The following GPC5 variants were observed in gnomAD, a reference collection of about 807,000 sequenced individuals.
GPC5 encodes the protein glypican 5, also known as glypican-5.
A neutral mutation model predicts 53.9 loss-of-function variants in GPC5; 47 were observed. The observed-to-expected ratio is 0.87, with a 90% CI of 0.69 to 1.11. GPC5 has a LOEUF of 1.11. GPC5 is among the 50% of genes most tolerant of loss of function. GPC5 has a pLI of 0.00. For synonymous variants in GPC5, 286 were observed against 263.3 expected (o/e 1.09, Z -0.84); for missense variants, 748 against 713.1 (o/e 1.05, Z -0.56).
rs542701382 is a variant in GPC5, at chr13:92,206,174, T to A, written c.1561+61185T>A. 1.6e-4 allele frequency among the ~76,000 whole-genome samples: 23 copies of A among 148,104 alleles called. No homozygotes were observed. The East Asian group carries it at 2.2e-3, about 14-fold the overall frequency. On this transcript the variant is annotated intron_variant, in intron 7 of 7. Coordinates refer to ENST00000377067, the MANE Select transcript of GPC5 (RefSeq NM_004466.6). ...TTTTTTATTTTTTTTTTTATTTTTT[T>A]TTTTTTTTTGAGACAGAGTCTCGGT...
intron 2 of GPC5, among the ~76,000 whole-genome samples, chr13:91,481,794 A>G (rs893545464): frequency 3.9e-5 from 6 of 152,196 alleles, no homozygotes; most frequent in African/African-American, 1.4e-4. Flanking sequence ...TAGCAAACTG[A>G]AAGATGATAC....
chr13:91,910,424 T>G (rs1472829486), intron 6 of GPC5, among the ~76,000 whole-genome samples: 2 of 152,204 alleles, frequency 1.3e-5, no homozygotes, highest in Non-Finnish European at 2.9e-5. Flanking sequence ...AGTCTATAGA[T>G]TTAGATGATC....
At chr13:91,426,724 GC>G (rs1189575187) in intron 1 of GPC5, among the ~76,000 whole-genome samples, 2 of 152,174 alleles carry the variant, frequency 1.3e-5, no homozygotes, top group Non-Finnish European at 2.9e-5. Flanking sequence ...ATATTCCTCT[GC>G]CTGCTTTTAT....
At position 92,303,337 on chromosome 13, in the gene GPC5, A is replaced by T. The variant is rs542394413; in HGVS notation, c.1561+158348A>T. 3.9e-5 allele frequency among the ~76,000 whole-genome samples: 6 copies of T among 152,342 alleles called. No individual in the cohort carries two copies. In the South Asian group the frequency reaches 8.3e-4, roughly 21 times the overall value. On this transcript the variant is annotated intron_variant, in intron 7 of 7. Coordinates refer to ENST00000377067, the MANE Select transcript of GPC5 (RefSeq NM_004466.6). ...GAAATTAAGTTTACTATAACCAAAAAGGTTTAATGTTTAGAAGTTAAAAGC... is the reference window on the plus strand; with the variant it reads ...GAAATTAAGTTTACTATAACCAAAATGGTTTAATGTTTAGAAGTTAAAAGC...
intron 6 of GPC5, among the ~76,000 whole-genome samples, chr13:92,097,653 A>G (rs1485760856): frequency 1.3e-5 from 2 of 152,328 alleles, no homozygotes; most frequent in East Asian, 3.9e-4. Context: ...CATGATATAA[A>G]AGGGAGACAC....
At chr13:91,915,676 T>A (rs181717155) in intron 6 of GPC5, among the ~76,000 whole-genome samples, 100 of 152,308 alleles carry the variant, frequency 6.6e-4, no homozygotes, top group Admixed American at 5.2e-3. Flanking sequence ...TTCTGGTAAT[T>A]TATAGGCTAA....
chr13:92,630,106 A>G (rs933399484), intron 7 of GPC5, among the ~76,000 whole-genome samples: 1 of 152,190 alleles, frequency 6.6e-6, no homozygotes, highest in Non-Finnish European at 1.5e-5. Context: ...TTTGACTCCT[A>G]TAGAATGAGA....
At position 91,572,213 on chromosome 13, in the gene GPC5, G is replaced by GTA. The variant is rs72458913; in HGVS notation, c.326-120965_326-120964dup. 4.8e-4 allele frequency among the ~76,000 whole-genome samples: 41 copies of GTA among 84,546 alleles called. 3 individuals carry two copies. Among genetic ancestry groups the GTA allele is most frequent in the Non-Finnish European group, 8.0e-4 (36 of 44,776 alleles). The allele number at this position is 84,546 out of a possible 152,430, so 55.5% of individuals were successfully genotyped here. On this transcript the variant is annotated intron_variant, in intron 2 of 7. Coordinates refer to ENST00000377067, the MANE Select transcript of GPC5 (RefSeq NM_004466.6). Reference sequence around the variant, plus strand: ...TACACACACATATGTATATATACGTGTATATATATACACATATGTATATAC... The same window carrying GTA: ...TACACACACATATGTATATATACGTGTATATATATATACACATATGTATATAC...
intron 4 of GPC5, among the ~76,000 whole-genome samples, chr13:91,745,204 A>G (rs1194273883): frequency 1.3e-5 from 2 of 152,102 alleles, no homozygotes; most frequent in African/African-American, 4.8e-5. Flanking sequence ...AGTTTTGATA[A>G]CAGGTTTAAA....
intron 7 of GPC5, among the ~76,000 whole-genome samples, chr13:92,308,253 G>A (rs900781312): frequency 1.6e-4 from 24 of 152,252 alleles, no homozygotes; most frequent in African/African-American, 5.5e-4. Context: ...GTTTGTCAGA[G>A]TTAAAAATTA....
At chr13:92,213,537 G>A (rs1207787023) in intron 7 of GPC5, among the ~76,000 whole-genome samples, 1 of 152,050 alleles carries the variant, frequency 6.6e-6, no homozygotes. Context: ...TAAAACTTCT[G>A]CCTTTGCCCC....
chr13:91,578,546 C>T (rs2032225294), intron 2 of GPC5, among the ~76,000 whole-genome samples: 1 of 152,090 alleles, frequency 6.6e-6, no homozygotes, highest in African/African-American at 2.4e-5. Flanking sequence ...GATAGTATGA[C>T]CCTAATGCAG....
intron 6 of GPC5, among the ~76,000 whole-genome samples, chr13:92,050,841 G>A (rs2041021909): frequency 6.6e-6 from 1 of 152,152 alleles, no homozygotes; most frequent in Non-Finnish European, 1.5e-5. Context: ...ATAGCTTCAA[G>A]GTGAAATGGC....
chr13:92,565,477 T>C (rs1882834003), intron 7 of GPC5, among the ~76,000 whole-genome samples: 1 of 152,092 alleles, frequency 6.6e-6, no homozygotes, highest in Non-Finnish European at 1.5e-5. Context: ...TGGATGACGT[T>C]GTCTCACATA....
chr13:91,771,207 A>T (rs2037618479), intron 5 of GPC5, among the ~76,000 whole-genome samples: 1 of 152,228 alleles, frequency 6.6e-6, no homozygotes, highest in Non-Finnish European at 1.5e-5. Flanking sequence ...CTTTTAAACA[A>T]AGAAACAAAA....
At position 92,621,228 on chromosome 13, in the gene GPC5, A is replaced by G. The variant is rs563116921; in HGVS notation, c.1562-245054A>G. 1.2e-3 allele frequency among the ~76,000 whole-genome samples: 189 copies of G among 152,084 alleles called. 2 individuals carry two copies. Among genetic ancestry groups the G allele is most frequent in the Admixed American group, 5.0e-3 (77 of 15,288 alleles). On this transcript the variant is annotated intron_variant, in intron 7 of 7. Coordinates refer to ENST00000377067, the MANE Select transcript of GPC5 (RefSeq NM_004466.6). Reference sequence around the variant, plus strand: ...TGGCTGAGGCAACTGTCCAAAACCAACTCTGCCATTGGCCATGTGAGGTCC... The same window carrying G: ...TGGCTGAGGCAACTGTCCAAAACCAGCTCTGCCATTGGCCATGTGAGGTCC...
intron 5 of GPC5, among the ~76,000 whole-genome samples, chr13:91,887,522 G>A (rs1414880880): frequency 6.6e-6 from 1 of 152,144 alleles, no homozygotes; most frequent in African/African-American, 2.4e-5. Context: ...CCAGAAAGTG[G>A]ATTTTCTTTT....
intron 2 of GPC5, among the ~76,000 whole-genome samples, chr13:91,485,613 G>A (rs1883565161): frequency 6.6e-6 from 1 of 152,082 alleles, no homozygotes; most frequent in South Asian, 2.1e-4. Flanking sequence ...AATAGTAATA[G>A]CAAACAACTG....
chr13:92,617,987 G>A (rs1884751743), intron 7 of GPC5, among the ~76,000 whole-genome samples: 1 of 152,148 alleles, frequency 6.6e-6, no homozygotes, highest in Non-Finnish European at 1.5e-5. Flanking sequence ...CTAAAAGGAA[G>A]TAACACCTAA....
Sources: allele counts gnomAD v4.1 joint callset (sites outside exome capture counted in the v4.1 genomes callset), GRCh38; gene constraint gnomAD v4.1.1; transcripts MANE v1.5; gene names NCBI Gene and HGNC (gene_info 2026-07-23, HGNC 2026-07-21).